The following TIMD4 variants were observed in gnomAD, a reference collection of about 807,000 sequenced individuals.
TIMD4 encodes T-cell immunoglobulin and mucin domain-containing protein 4.
A neutral mutation model predicts 41.2 loss-of-function variants in TIMD4; 31 were observed. That is an observed-to-expected ratio of 0.75 (90% CI 0.57 to 1.01). TIMD4 has a LOEUF of 1.01. Among genes scored for constraint, TIMD4 ranks in the 50% least tolerant of loss-of-function variants. TIMD4 has a pLI of 0.00. For missense variants in TIMD4, 479 were observed against 472.5 expected (o/e 1.01, Z -0.13); for synonymous variants, 204 against 177.1 (o/e 1.15, Z -1.21).
chr5:156,961,841 GA>G (rs58076212), intron 1 of TIMD4, among the ~76,000 whole-genome samples: 3,057 of 79,440 alleles, frequency 0.038, 44 homozygotes, highest in Middle Eastern at 0.081. Context: ...AAAAAAGAAA[GA>G]AAAAAAAAAA....
At chr5:156,934,431 GT>G (rs200125453) in intron 5 of TIMD4, among the ~76,000 whole-genome samples, 1 of 151,678 alleles carries the variant, frequency 6.6e-6, no homozygotes, top group Non-Finnish European at 1.5e-5. Context: ...AGTGTGTGTG[GT>G]TTTTTTTGTT....
At position 156,951,703 on chromosome 5, in the gene TIMD4, G is replaced by A. The variant is rs1242417228; in HGVS notation, c.488C>T (p.Thr163Ile). 2.5e-6 allele frequency: 4 copies of A among 1,614,014 alleles called. No homozygotes were observed. In the East Asian group the frequency reaches 8.9e-5, roughly 36 times the overall value. The change falls in exon 3 of 9, where the codon ACC becomes ATC. Residue 163 changes from threonine (T) to isoleucine (I), a missense_variant. Thr to Ile is a moderately conservative substitution (Grantham distance 89, BLOSUM62 -1). Transcript: ENST00000274532. Reference sequence around the variant, plus strand: ...GACTGTTGTTGGAAGTGCAGCTGGGGTTGTTGTCATTTGTCGGGTGGTGGT... The same window carrying A: ...GACTGTTGTTGGAAGTGCAGCTGGGATTGTTGTCATTTGTCGGGTGGTGGT... Reference protein sequence around the residue: ...SPTTTRQMTTTPAALPTTVVT... With the variant: ...SPTTTRQMTTIPAALPTTVVT...
Position 156,926,267 on chromosome 5 carries a change from C to G in TIMD4, c.890G>C (p.Gly297Ala). 3.1e-6 allele frequency: 5 copies of G among 1,613,196 alleles called. No individual in the cohort carries two copies. The highest frequency in any genetic ancestry group is 4.2e-6 in the Non-Finnish European group (5 of 1,179,490). ...AATACTTCACAGATTTTTTACCTGT[C>G]CTGTTTTTGTTGTTTTGTTCTGCTC... Reference protein sequence around the residue: ...VPEQNKTTKTGQMDGIPMSMK... With the variant: ...VPEQNKTTKTAQMDGIPMSMK... Residue 297 changes from glycine to alanine, a missense_variant, in exon 6 of 9, where the codon GGA (glycine) becomes GCA (alanine). Gly to Ala is a moderately conservative substitution (Grantham distance 60). Coordinates refer to ENST00000274532, the MANE Select transcript of TIMD4 (RefSeq NM_138379.3).
At position 156,926,261 on chromosome 5, in the gene TIMD4, A is replaced by G; in HGVS notation, c.894+2T>C. The G allele has an allele frequency of 1.9e-6, 3 of 1,613,048 alleles. No homozygotes were observed. Among genetic ancestry groups the G allele is most frequent in the Non-Finnish European group, 2.5e-6 (3 of 1,179,368 alleles). ...ACTGCAAATACTTCACAGATTTTTT[A>G]CCTGTCCTGTTTTTGTTGTTTTGTT... is the stretch of plus-strand genomic sequence containing the variant. On this transcript the variant is annotated splice_donor_variant, in intron 6 of 8. Coordinates refer to ENST00000274532, the MANE Select transcript of TIMD4 (RefSeq NM_138379.3). LOFTEE classifies it high-confidence loss of function.
At position 156,928,295 on chromosome 5, in the gene TIMD4, T is replaced by TAAA. The variant is rs3068098; in HGVS notation, c.845-1986_845-1984dup. 3.5e-3 allele frequency among the ~76,000 whole-genome samples: 516 copies of TAAA among 146,320 alleles called. 1 individual carries two copies. Among genetic ancestry groups the TAAA allele is most frequent in the African/African-American group, 0.012 (488 of 39,768 alleles). ...CCTGGCAACAGAGAGAGACTCCATCTAAAAAAAAAAGACAGAAAGAAATCC... is the reference window on the plus strand; with the variant it reads ...CCTGGCAACAGAGAGAGACTCCATCTAAAAAAAAAAAAAGACAGAAAGAAATCC... On this transcript the variant is annotated intron_variant, in intron 5 of 8. Coordinates refer to ENST00000274532, the MANE Select transcript of TIMD4 (RefSeq NM_138379.3).
At chr5:156,944,937 G>A (rs1298892091) in intron 5 of TIMD4, among the ~76,000 whole-genome samples, 2 of 152,244 alleles carry the variant, frequency 1.3e-5, no homozygotes, top group East Asian at 1.9e-4. Flanking sequence ...GCTACCCTGG[G>A]TCATGCTAAT....
intron 6 of TIMD4, among the ~76,000 whole-genome samples, chr5:156,922,497 C>A (rs1225742073): frequency 6.6e-6 from 1 of 152,244 alleles, no homozygotes; most frequent in Non-Finnish European, 1.5e-5. Context: ...TTCCTAGCCG[C>A]TGCTCAAATC....
chr5:156,961,676 G>A (rs1370443356), intron 1 of TIMD4, among the ~76,000 whole-genome samples: 2 of 151,748 alleles, frequency 1.3e-5, no homozygotes, highest in African/African-American at 2.4e-5. Flanking sequence ...GGTGGCAGGC[G>A]CCCATAGTCC....
At chr5:156,941,525 G>A (rs986488031) in intron 5 of TIMD4, among the ~76,000 whole-genome samples, 8 of 152,246 alleles carry the variant, frequency 5.3e-5, no homozygotes, top group East Asian at 1.9e-4. Flanking sequence ...CTTCCATCCT[G>A]TTGGCTCTTC....
At chr5:156,922,736 T>A (rs770421735) in intron 6 of TIMD4, among the ~76,000 whole-genome samples, 3 of 152,116 alleles carry the variant, frequency 2.0e-5, no homozygotes, top group Non-Finnish European at 4.4e-5. Context: ...AGAGGCTATG[T>A]GATGTGTGAT....
chr5:156,958,186 C>T (rs563423161), intron 1 of TIMD4, among the ~76,000 whole-genome samples: 55 of 151,994 alleles, frequency 3.6e-4, no homozygotes, highest in Middle Eastern at 3.4e-3. Context: ...GCAGGAGAAT[C>T]GTTTGAACCC....
chr5:156,921,616 C>CAAAAAAAAAA (rs66842169), intron 7 of TIMD4, among the ~76,000 whole-genome samples: 4 of 47,252 alleles, frequency 8.5e-5, no homozygotes, highest in Non-Finnish European at 1.2e-4. Context: ...GAGACTCTCT[C>CAAAAAAAAAA]AAAAAAAAAA....
chr5:156,922,298 C>T, intron 6 of TIMD4, 82 bp from the exon 7 acceptor site: 1 of 1,032,878 alleles, frequency 9.7e-7, no homozygotes, highest in Non-Finnish European at 1.5e-6. Context: ...CCAATAGCAC[C>T]TTACAACCAC....
At chr5:156,958,334 G>A (rs1048501879) in intron 1 of TIMD4, among the ~76,000 whole-genome samples, 2 of 80,820 alleles carry the variant, frequency 2.5e-5, no homozygotes, top group African/African-American at 1.0e-4. Flanking sequence ...GAAAGGAAAG[G>A]AAAGGAAAGG....
intron 5 of TIMD4, among the ~76,000 whole-genome samples, chr5:156,940,205 G>A (rs966870274): frequency 2.0e-5 from 3 of 152,232 alleles, no homozygotes; most frequent in African/African-American, 4.8e-5. Flanking sequence ...TGATCTGCCC[G>A]CCTCGGCCTC....
At chr5:156,960,155 G>T (rs1760052985) in intron 1 of TIMD4, among the ~76,000 whole-genome samples, 1 of 152,004 alleles carries the variant, frequency 6.6e-6, no homozygotes, top group African/African-American at 2.4e-5. Flanking sequence ...CTTCAAGCAG[G>T]ATTAGAAAAT....
chr5:156,927,755 A>G (rs1477558008), intron 5 of TIMD4, among the ~76,000 whole-genome samples: 1 of 152,172 alleles, frequency 6.6e-6, no homozygotes, highest in African/African-American at 2.4e-5. Context: ...CCTACTTGAG[A>G]CACCTGGCCA....
chr5:156,933,317 G>A (rs1759476920), intron 5 of TIMD4, among the ~76,000 whole-genome samples: 1 of 152,088 alleles, frequency 6.6e-6, no homozygotes, highest in African/African-American at 2.4e-5. Flanking sequence ...ACAACTTTGA[G>A]ACCAGCCTGG....
chr5:156,926,358 A>G (rs374294056), intron 5 of TIMD4, 46 bp from the exon 6 acceptor site: 55 of 1,592,400 alleles, frequency 3.5e-5, no homozygotes, highest in Non-Finnish European at 4.7e-5. Context: ...TGGTTGGGGA[A>G]TAAAATATCA....
Sources: gnomAD v4.1 joint callset for allele counts (sites outside exome capture counted in the v4.1 genomes callset) on GRCh38, gnomAD v4.1.1 for gene constraint, MANE v1.5 for transcripts, NCBI Gene and HGNC (gene_info 2026-07-23, HGNC 2026-07-21) for gene names.